RIMS2: variants seen among roughly 807,000 people sequenced by gnomAD.
The protein encoded by RIMS2 is regulating synaptic membrane exocytosis protein 2.
A neutral mutation model predicts 174.4 loss-of-function variants in RIMS2; 59 were observed. The ratio of observed to expected loss-of-function variants is 0.34; its 90% CI spans 0.27 to 0.42. The LOEUF is 0.42. RIMS2 is among the 10% of genes least tolerant of loss of function. RIMS2 has a pLI of 1.00. For missense variants in RIMS2, 1,620 were observed against 1,666.3 expected (o/e 0.97, Z 0.48); for synonymous variants, 606 against 572.5 (o/e 1.06, Z -0.84).
intron 1 of RIMS2, among the ~76,000 whole-genome samples, chr8:103,616,195 G>T (rs576227359): frequency 6.6e-6 from 1 of 152,232 alleles, no homozygotes; most frequent in South Asian, 2.1e-4. Flanking sequence ...TCATCCCCAG[G>T]ATGCCAGTTT....
intron 2 of RIMS2, among the ~76,000 whole-genome samples, chr8:103,710,778 T>A (rs1231105221): frequency 6.6e-6 from 1 of 152,190 alleles, no homozygotes; most frequent in Non-Finnish European, 1.5e-5. Flanking sequence ...TTATCAGATT[T>A]GAAGCATAAT....
intron 1 of RIMS2, among the ~76,000 whole-genome samples, chr8:103,512,223 T>C (rs1826835258): frequency 6.6e-6 from 1 of 152,160 alleles, no homozygotes; most frequent in Admixed American, 6.5e-5. Context: ...TTAATGTCAC[T>C]ATGGCTCCCT....
rs548597444 is a variant in RIMS2 at position 104,009,112 on chromosome 8, TTTAAG to T, written c.3045-4326_3045-4322del. On this transcript the variant is annotated intron_variant, in intron 17 of 23. Coordinates refer to ENST00000504942, the Ensembl canonical transcript of RIMS2. ...GTAATTTTAAAGTTGTCATAATTACTTTAAGTTATTTATTATATACAAATATGTAT... is the reference window on the plus strand; with the variant it reads ...GTAATTTTAAAGTTGTCATAATTACTTTATTTATTATATACAAATATGTAT... 1.8e-4 allele frequency among the ~76,000 whole-genome samples: 27 copies of T among 151,700 alleles called. No homozygotes were observed. The East Asian group carries it at 2.3e-3, about 13-fold the overall frequency.
At chr8:104,231,642 A>T (rs1305289545) in intron 19 of RIMS2, among the ~76,000 whole-genome samples, 1 of 152,162 alleles carries the variant, frequency 6.6e-6, no homozygotes, top group Non-Finnish European at 1.5e-5. Context: ...TGTGAAGACA[A>T]TTTCTTTCAG....
intron 19 of RIMS2, among the ~76,000 whole-genome samples, chr8:104,091,296 G>A (rs1271350917): frequency 1.3e-5 from 2 of 151,470 alleles, no homozygotes; most frequent in East Asian, 1.9e-4. Flanking sequence ...AATCCCATGA[G>A]CAAAAACAAA....
chr8:104,166,071 TTTTTTTTTTTTTTG>T (rs2098795387), intron 19 of RIMS2, among the ~76,000 whole-genome samples: 3 of 98,086 alleles, frequency 3.1e-5, no homozygotes, highest in Admixed American at 2.1e-4. Context: ...TTTTTTTTTT[TTTTTTTTTTTTTTG>T]AGACAGAGTC....
chr8:103,979,882 G>A (rs1041029550), intron 16 of RIMS2, among the ~76,000 whole-genome samples: 1 of 152,106 alleles, frequency 6.6e-6, no homozygotes, highest in Non-Finnish European at 1.5e-5. Flanking sequence ...GATATGGAGG[G>A]AGCATTTGGA....
chr8:103,586,392 A>C (rs2093922589), intron 1 of RIMS2, among the ~76,000 whole-genome samples: 1 of 152,166 alleles, frequency 6.6e-6, no homozygotes, highest in Non-Finnish European at 1.5e-5. Context: ...AATCATATCA[A>C]CCATCTTCTC....
chr8:104,039,557 C>A (rs188528480), intron 19 of RIMS2, among the ~76,000 whole-genome samples: 15 of 151,562 alleles, frequency 9.9e-5, no homozygotes, highest in African/African-American at 3.6e-4. Context: ...TTTCTGCAAA[C>A]AATAAGATCT....
intron 19 of RIMS2, among the ~76,000 whole-genome samples, chr8:104,134,107 G>A (rs1426551025): frequency 6.6e-6 from 1 of 151,992 alleles, no homozygotes; most frequent in Non-Finnish European, 1.5e-5. Context: ...GTGAAAAAAT[G>A]GAATTAAAAG....
chr8:103,566,709 T>C (rs866151108), intron 1 of RIMS2, among the ~76,000 whole-genome samples: 1 of 152,186 alleles, frequency 6.6e-6, no homozygotes, highest in African/African-American at 2.4e-5. Context: ...GCAAAGGTGG[T>C]CTTGTTCTAT....
At position 103,551,874 on chromosome 8, in the gene RIMS2, C is replaced by G. The variant is rs572701569; in HGVS notation, c.176+50812C>G. On this transcript the variant is annotated intron_variant, in intron 1 of 23. Transcript: ENST00000504942. ...CAATTGCTTCAAAGAGAATAAAATA[C>G]CTAGGAATCCAACTTACAAGGGATG... 5.9e-5 allele frequency among the ~76,000 whole-genome samples: 9 copies of G among 152,174 alleles called. No individual in the cohort carries two copies. In the East Asian group the frequency reaches 1.7e-3, roughly 29 times the overall value.
At chr8:103,942,669 T>C in intron 13 of RIMS2, 104 bp from the exon 16 acceptor site, 1 of 792,466 alleles carries the variant, frequency 1.3e-6, no homozygotes, top group Non-Finnish European at 1.9e-6. Context: ...TTTCATGTAA[T>C]AGCATTACTA....
At chr8:103,810,723 A>G (rs746969242) in intron 3 of RIMS2, among the ~76,000 whole-genome samples, 17 of 152,182 alleles carry the variant, frequency 1.1e-4, no homozygotes, top group Admixed American at 5.2e-4. Flanking sequence ...CTTTTTTCTG[A>G]CAGCCAATGT....
chr8:104,068,560 A>G, intron 19 of RIMS2: 4 of 1,573,878 alleles, frequency 2.5e-6, no homozygotes, highest in South Asian at 1.1e-5. Flanking sequence ...ATTAACAAAT[A>G]CAAACAGGTA....
chr8:103,662,665 C>G (rs896908057), intron 1 of RIMS2, among the ~76,000 whole-genome samples: 1 of 147,322 alleles, frequency 6.8e-6, no homozygotes, highest in Non-Finnish European at 1.5e-5. Context: ...CCTTTGGAGT[C>G]AGAAGAGTCT....
At chr8:103,775,405 A>G (rs1043055342) in intron 3 of RIMS2, among the ~76,000 whole-genome samples, 1 of 152,174 alleles carries the variant, frequency 6.6e-6, no homozygotes, top group Non-Finnish European at 1.5e-5. Flanking sequence ...AGGAGAAAAA[A>G]GAATCTAATA....
At chr8:103,737,489 G>A (rs1255385788) in intron 2 of RIMS2, among the ~76,000 whole-genome samples, 1 of 147,226 alleles carries the variant, frequency 6.8e-6, no homozygotes, top group Non-Finnish European at 1.5e-5. Context: ...GCCCAGCCTG[G>A]AATAACTTCT....
At chr8:103,548,418 C>G (rs1051271420) in intron 1 of RIMS2, among the ~76,000 whole-genome samples, 1 of 152,126 alleles carries the variant, frequency 6.6e-6, no homozygotes. Context: ...TAAACAGAAA[C>G]CACATGATCA....
Sources: gnomAD v4.1 joint callset for allele counts (sites outside exome capture counted in the v4.1 genomes callset) on GRCh38, gnomAD v4.1.1 for gene constraint, MANE v1.5 for transcripts, NCBI Gene and HGNC (gene_info 2026-07-23, HGNC 2026-07-21) for gene names.